BAIAP3: variants seen among roughly 807,000 people sequenced by gnomAD.
The protein encoded by BAIAP3 is BAI1 associated protein 3.
In BAIAP3, 180 loss-of-function variants were observed where a neutral mutation model predicts 149.7. The observed-to-expected ratio is 1.20, with a 90% CI of 1.07 to 1.36. BAIAP3 has a LOEUF of 1.36. Ranked by LOEUF, BAIAP3 falls within the 40% of genes most tolerant of loss-of-function variation. BAIAP3 has a pLI of 0.00. For synonymous variants in BAIAP3, 845 were observed against 670.7 expected, an observed-to-expected ratio of 1.26 and a Z score of -4.02; for missense variants, 1,767 against 1,563.4, an observed-to-expected ratio of 1.13 and a Z score of -2.20.
Position 1,340,932 on chromosome 16 carries a change from C to T in BAIAP3, c.419C>T (p.Thr140Ile), listed in dbSNP as rs781169474. Residue 140 changes from threonine to isoleucine, a missense_variant, in exon 6 of 34, where the codon ACC becomes ATC. By Grantham distance (89) the Thr-to-Ile change is moderately conservative. Transcript: ENST00000426824. ...LLSYLQQVFG[T>I]SLEEHTEAIE... ...AGCCACCCTCCACAGGTGTTTGGCA[C>T]CAGCCTTGAGGAGCACACTGAGGCC... The T allele has an allele frequency of 1.5e-5, 24 of 1,574,968 alleles. No homozygotes were observed. Among genetic ancestry groups the T allele is most frequent in the Admixed American group, 1.9e-5 (1 of 53,720 alleles).
At chr16:1,341,798 T>C in intron 8 of BAIAP3, 24 bp from the exon 9 acceptor site, 6 of 1,609,506 alleles carry the variant, frequency 3.7e-6, no homozygotes, top group Non-Finnish European at 4.2e-6. Context: ...GGGACCCTCA[T>C]GGGCATCTCT....
rs777106177 is a variant in BAIAP3, at chr16:1,339,150, G to A, written c.220-14G>A. ...CCCTGCCGTCAGAGCCCTCACCCTG[G>A]GCCCCACACACAGGTCCCCCTGCGC... On this transcript the variant is annotated splice_polypyrimidine_tract_variant and intron_variant, in intron 3 of 33. Transcript: ENST00000426824. The A allele has an allele frequency of 1.3e-6, 2 of 1,567,892 alleles. No homozygotes were observed. The highest frequency in any genetic ancestry group is 1.4e-5 in the African/African-American group (1 of 73,926).
chr16:1,342,709 T>A lies in BAIAP3; in HGVS notation c.1066-10T>A. The A allele has an allele frequency of 6.2e-7, 1 of 1,612,348 alleles. No homozygotes were observed. Among genetic ancestry groups the A allele is most frequent in the Non-Finnish European group, 8.5e-7 (1 of 1,179,972 alleles). ...GCAGAGCTGGTGACTGGGTGGGCTC[T>A]GCGTTGCAGAGGGATACGGCCATGA... On this transcript the variant is annotated splice_polypyrimidine_tract_variant and intron_variant, in intron 12 of 33. Coordinates refer to ENST00000426824, the MANE Select transcript of BAIAP3 (RefSeq NM_001199097.2).
In BAIAP3 at chr16:1,343,024, G is replaced by C. The variant is rs764991307; in HGVS notation, c.1265+8G>C. On this transcript the variant is annotated splice_region_variant and intron_variant, in intron 14 of 33. Transcript: ENST00000426824. ...CTTGCAGCTGGCCGTGCTGTGAGTG[G>C]GTGGAGCTACGAGTGGGCGGGGAAT... 4 of 1,603,892 alleles carry C rather than the reference G, an allele frequency of 2.5e-6. No homozygotes were observed. Among genetic ancestry groups the C allele is most frequent in the Non-Finnish European group, 3.4e-6 (4 of 1,178,906 alleles).
intron 1 of BAIAP3, chr16:1,334,780 C>A: frequency 6.5e-6 from 10 of 1,539,818 alleles, no homozygotes; most frequent in Non-Finnish European, 8.8e-6. Flanking sequence ...GAGATTCCTG[C>A]GGGAAACCCC....
chr16:1,342,909 C>G lies in BAIAP3; in HGVS notation c.1162-4C>G, dbSNP rs1223395152. The G allele has an allele frequency of 1.9e-6, 3 of 1,612,318 alleles. No homozygotes were observed. Among genetic ancestry groups the G allele is most frequent in the South Asian group, 1.1e-5 (1 of 91,076 alleles). ...CTCCACCCACGACAGACCTCCTCCCCCAGCCCAACTCCAGCAGCTGGCGAG... is the reference window on the plus strand; with the variant it reads ...CTCCACCCACGACAGACCTCCTCCCGCAGCCCAACTCCAGCAGCTGGCGAG... On this transcript the variant is annotated splice_region_variant and splice_polypyrimidine_tract_variant and intron_variant, in intron 13 of 33. Coordinates refer to ENST00000426824, the MANE Select transcript of BAIAP3 (RefSeq NM_001199097.2).
chr16:1,343,538 C>T, intron 15 of BAIAP3, 25 bp downstream of exon 15: 1 of 1,602,638 alleles, frequency 6.2e-7, no homozygotes, highest in Non-Finnish European at 8.5e-7. Context: ...GACCTTCTTG[C>T]CAGCCATGGC....
chr16:1,343,058 G>A, intron 14 of BAIAP3, 42 bp downstream of exon 14: 2 of 1,569,632 alleles, frequency 1.3e-6, no homozygotes, highest in Non-Finnish European at 1.7e-6. Flanking sequence ...ATGTGGGCGG[G>A]CGTGAGCGAG....
In BAIAP3 at chr16:1,341,335, T is replaced by G; in HGVS notation, c.577T>G (p.Ser193Ala). The G allele has an allele frequency of 6.2e-7, 1 of 1,611,774 alleles. No individual in the cohort carries two copies. The highest frequency in any genetic ancestry group is 2.2e-5 in the East Asian group (1 of 44,854). Residue 193 changes from serine to alanine, a missense_variant, in exon 8 of 34, where the codon TCG becomes GCG. Ser to Ala is a moderately conservative substitution (Grantham distance 99, BLOSUM62 1). Transcript: ENST00000426824. ...CTGCATGCTGGGCATCCTGCCTGCC[T>G]CGGACGCCACGCGGGAGCCCCGTGC... ...PYCMLGILPA[S>A]DATREPRAQK...
In BAIAP3 at chr16:1,339,217, C is replaced by G. The variant is rs770087709; in HGVS notation, c.273C>G (p.Leu91=). The G allele has an allele frequency of 6.4e-7, 1 of 1,565,410 alleles. No individual in the cohort carries two copies. Among genetic ancestry groups the G allele is most frequent in the Non-Finnish European group, 8.6e-7 (1 of 1,157,314 alleles). ...PAPPEPVDPS[L]GLRALAPEEV... ...CCCCGGAGCCTGTGGATCCCAGCCT[C>G]GGCCTGAGAGCCCTGGCCCCAGAGG... The change falls in exon 4 of 34, where the codon CTC becomes CTG. Residue 91 remains leucine, a synonymous_variant. Transcript: ENST00000426824.
chr16:1,342,201 A>G lies in BAIAP3; in HGVS notation c.875A>G (p.Lys292Arg). The G allele has an allele frequency of 1.9e-6, 3 of 1,608,150 alleles. No individual in the cohort carries two copies. The highest frequency in any genetic ancestry group is 2.5e-6 in the Non-Finnish European group (3 of 1,176,552). The change falls in exon 11 of 34, where the codon AAG becomes AGG. Residue 292 changes from lysine to arginine, a missense_variant. By Grantham distance (26) the Lys-to-Arg change is conservative. Transcript: ENST00000426824. The part of the protein sequence containing the change: ...GMGRYFKQIV[K>R]SARANGTAGP... ...GCCAGGTACTTCAAACAGATCGTCA[A>G]GTCAGCCCGCGCAAACGGGACAGCA...
chr16:1,339,471 G>T, intron 4 of BAIAP3, 25 bp from the exon 5 acceptor site: 2 of 1,594,270 alleles, frequency 1.3e-6, no homozygotes, highest in Admixed American at 1.7e-5. Context: ...ACGCGGCACT[G>T]TGGCCGCCCT....
Position 1,345,997 on chromosome 16 carries a change from G to C in BAIAP3, c.2220G>C (p.Glu740Asp), listed in dbSNP as rs1440040560. The part of the protein sequence containing the change: ...LGTQLGQDVC[E>D]ATLFYTELLR... ...CATCCCCTCCTCAGGACGTGTGTGA[G>C]GCCACCCTCTTCTATACGGAGCTGC... The change falls in exon 24 of 34, where the codon GAG becomes GAC. Residue 740 changes from glutamate to aspartate, a missense_variant. By Grantham distance (45) the Glu-to-Asp change is conservative (BLOSUM62 2). Coordinates refer to ENST00000426824, the MANE Select transcript of BAIAP3 (RefSeq NM_001199097.2). The C allele has an allele frequency of 1.2e-6, 2 of 1,608,436 alleles. No individual in the cohort carries two copies. Among genetic ancestry groups the C allele is most frequent in the South Asian group, 1.1e-5 (1 of 90,420 alleles).
Position 1,346,902 on chromosome 16 carries a change from G to A in BAIAP3, c.2698G>A (p.Ala900Thr), listed in dbSNP as rs775959118. 3 of 1,611,470 alleles carry A rather than the reference G, an allele frequency of 1.9e-6. No individual in the cohort carries two copies. Among genetic ancestry groups the A allele is most frequent in the African/African-American group, 2.7e-5 (2 of 74,928 alleles). ...LLQAILQALG[A>T]NRDVSADFYS... Reference sequence around the variant, plus strand: ...CCAGGCCATTCTGCAGGCGCTGGGTGCAAACCGTGACGTCTCTGCTGATTT... The same window carrying A: ...CCAGGCCATTCTGCAGGCGCTGGGTACAAACCGTGACGTCTCTGCTGATTT... The change falls in exon 28 of 34, where the codon GCA becomes ACA. Residue 900 changes from alanine (A) to threonine (T), a missense_variant. Physicochemically the swap from Ala to Thr is moderately conservative, Grantham distance 58. Transcript: ENST00000426824.
intron 1 of BAIAP3, chr16:1,334,458 G>C (rs908635622): frequency 1.7e-6 from 1 of 586,806 alleles, no homozygotes; most frequent in African/African-American, 1.9e-5. Context: ...CCGCGAGGCG[G>C]GGCAGGGAGG....
Position 1,348,572 on chromosome 16 carries a change from G to A in BAIAP3, c.*90G>A. The A allele has an allele frequency of 7.7e-7, 1 of 1,292,376 alleles. No homozygotes were observed. The highest frequency in any genetic ancestry group is 1.5e-5 in the African/African-American group (1 of 68,166). 80.1% of individuals were successfully genotyped at this position (1,292,376 alleles called of 1,614,324 possible). On this transcript the variant is annotated 3_prime_UTR_variant, in exon 34 of 34. Transcript: ENST00000426824. ...ACTGTGGCCAGCTTTGTGCAACCAG[G>A]GCCCACGGCGCCCCTCCTGTGCTGT...
intron 14 of BAIAP3, 52 bp from the exon 15 acceptor site, chr16:1,343,339 TGG>T: frequency 6.4e-7 from 1 of 1,560,120 alleles, no homozygotes. Flanking sequence ...CGGTGCTGAG[TGG>T]GCATGGCAGG....
Position 1,345,244 on chromosome 16 carries a change from C to G in BAIAP3, c.1941-5C>G. 1.2e-6 allele frequency: 2 copies of G among 1,612,722 alleles called. No homozygotes were observed. Among genetic ancestry groups the G allele is most frequent in the Non-Finnish European group, 1.7e-6 (2 of 1,179,788 alleles). ...GGCCGAGCCCTCACAACCCTCCCAC[C>G]ACAGGGACAGCCGCTCTCTGGCCCT... On this transcript the variant is annotated splice_polypyrimidine_tract_variant and splice_region_variant and intron_variant, in intron 21 of 33. Coordinates refer to ENST00000426824, the MANE Select transcript of BAIAP3 (RefSeq NM_001199097.2).
Position 1,348,415 on chromosome 16 carries a change from G to A in BAIAP3, c.3392G>A (p.Ser1131Asn), listed in dbSNP as rs1055562891. ...CTGAGGAGGCTGGAAGGCCGCACCAGCAAGGAGGCGCAGGAGTTCGTGAAG... is the reference window on the plus strand; with the variant it reads ...CTGAGGAGGCTGGAAGGCCGCACCAACAAGGAGGCGCAGGAGTTCGTGAAG... ...SALRRLEGRT[S>N]KEAQEFVKKL... Residue 1131 changes from serine to asparagine, a missense_variant, in exon 34 of 34, where the codon AGC becomes AAC. Coordinates refer to ENST00000426824, the MANE Select transcript of BAIAP3 (RefSeq NM_001199097.2). 4.3e-6 allele frequency: 7 copies of A among 1,612,644 alleles called. No individual in the cohort carries two copies. In the African/African-American group the frequency reaches 9.3e-5, roughly 22 times the overall value.
Sources: allele counts gnomAD v4.1 joint callset, GRCh38; gene constraint gnomAD v4.1.1; transcripts MANE v1.5; gene names NCBI Gene and HGNC (gene_info 2026-07-23, HGNC 2026-07-21).